Variants in USP3 observed in about 807,000 individuals in gnomAD.
The protein encoded by USP3 is ubiquitin specific peptidase 3, also known as ubiquitin carboxyl-terminal hydrolase 3.
A neutral mutation model predicts 72.3 loss-of-function variants in USP3; 20 were observed. The observed-to-expected ratio is 0.28, with a 90% CI of 0.19 to 0.40. The LOEUF (loss-of-function observed/expected upper bound fraction) is 0.40, where lower values mean the gene tolerates loss of function less well. Ranked by LOEUF, USP3 falls within the 10% of genes least tolerant of loss-of-function variation. The pLI, the probability that USP3 is intolerant of heterozygous loss-of-function variation, is 1.00. For synonymous variants in USP3, 222 were observed against 225.3 expected, an observed-to-expected ratio of 0.99 and a Z score of 0.13; for missense variants, 479 against 633.9, an observed-to-expected ratio of 0.76 and a Z score of 2.62.
At chr15:63,546,271 C>G (rs952717206) in intron 3 of USP3, among the ~76,000 whole-genome samples, 1 of 152,118 alleles carries the variant, frequency 6.6e-6, no homozygotes, top group African/African-American at 2.4e-5. Context: ...TTTTCAAATA[C>G]TATGGATTTC....
chr15:63,517,680 G>A (rs774072241), intron 1 of USP3, among the ~76,000 whole-genome samples: 13 of 152,118 alleles, frequency 8.5e-5, no homozygotes, highest in Non-Finnish European at 1.9e-4. Context: ...TGGGCACCTG[G>A]CCACTGATGT....
intron 8 of USP3, among the ~76,000 whole-genome samples, chr15:63,569,187 A>T (rs1446823638): frequency 6.6e-6 from 1 of 152,194 alleles, no homozygotes; most frequent in East Asian, 1.9e-4. Flanking sequence ...AAAATAATGG[A>T]TATTGTATTA....
Position 63,593,583 on chromosome 15 carries a change from C to G in USP3, c.*2757C>G, listed in dbSNP as rs182591365. Reference sequence around the variant, plus strand: ...GGCTTAAGAGATGAACACGTCTTCTCTCTGAATTTGTTTTTATTGGTTGGT... The same window carrying G: ...GGCTTAAGAGATGAACACGTCTTCTGTCTGAATTTGTTTTTATTGGTTGGT... On this transcript the variant is annotated 3_prime_UTR_variant, in exon 15 of 15. Coordinates refer to ENST00000380324, the MANE Select transcript of USP3 (RefSeq NM_006537.4). 10 of 152,344 alleles carry G rather than the reference C, an allele frequency of 6.6e-5. No individual in the cohort carries two copies. In the East Asian group the frequency reaches 1.9e-3, roughly 29 times the overall value. 9.4% of individuals were successfully genotyped at this position (152,344 alleles called of 1,614,324 possible).
At chr15:63,567,094 A>C (rs183978505) in intron 8 of USP3, among the ~76,000 whole-genome samples, 10 of 152,330 alleles carry the variant, frequency 6.6e-5, no homozygotes, top group Middle Eastern at 3.4e-3. Context: ...ATGTGGTGGG[A>C]ACACATGAGT....
intron 11 of USP3, among the ~76,000 whole-genome samples, chr15:63,584,271 G>C (rs2067016884): frequency 6.6e-6 from 1 of 151,624 alleles, no homozygotes; most frequent in African/African-American, 2.4e-5. Flanking sequence ...CTAATTTTTT[G>C]TATTTTTAGT....
intron 3 of USP3, among the ~76,000 whole-genome samples, chr15:63,549,493 T>C (rs1227328145): frequency 6.6e-6 from 1 of 152,198 alleles, no homozygotes; most frequent in East Asian, 1.9e-4. Context: ...ATCATATAAA[T>C]CGAAAATCAA....
chr15:63,551,268 C>G (rs186232761), intron 3 of USP3: 21 of 152,108 alleles, frequency 1.4e-4, no homozygotes, highest in African/African-American at 1.9e-4. Context: ...ATCGCAATTG[C>G]CATTCTTTGT....
At chr15:63,551,907 T>G (rs2066442455) in intron 3 of USP3, 1 of 152,152 alleles carries the variant, frequency 6.6e-6, no homozygotes, top group African/African-American at 2.4e-5. Flanking sequence ...CGTAAATGAG[T>G]CTGTACTTTA....
At chr15:63,561,568 C>A (rs969966132) in intron 7 of USP3, among the ~76,000 whole-genome samples, 1 of 152,206 alleles carries the variant, frequency 6.6e-6, no homozygotes, top group Non-Finnish European at 1.5e-5. Flanking sequence ...TTTGCCCCCC[C>A]TGCTACCAGA....
chr15:63,562,468 A>C (rs1307621514), intron 7 of USP3, among the ~76,000 whole-genome samples: 1 of 152,168 alleles, frequency 6.6e-6, no homozygotes, highest in Non-Finnish European at 1.5e-5. Context: ...TGAGTGGTGA[A>C]GGTTAGTGAC....
intron 9 of USP3, among the ~76,000 whole-genome samples, chr15:63,573,285 A>T (rs1449877235): frequency 6.6e-6 from 1 of 152,168 alleles, no homozygotes; most frequent in African/African-American, 2.4e-5. Flanking sequence ...CAACTCTCTC[A>T]TCTACACACT....
Position 63,570,370 on chromosome 15 carries a change from TG to T in USP3, c.762-61del. ...CCTTTTCCACGCCTTGGCCTCTTGC[TG>T]GTGTGGCTGGGCACAAAGAGCCCTC... On this transcript the variant is annotated intron_variant, in intron 8 of 14. Coordinates refer to ENST00000380324, the MANE Select transcript of USP3 (RefSeq NM_006537.4). This position sits in a 1 kb window ranked among gnomAD's most constrained non-coding sequence, Gnocchi z 4.4. 1.2e-6 allele frequency: 2 copies of T among 1,607,756 alleles called. No individual in the cohort carries two copies. The highest frequency in any genetic ancestry group is 8.5e-7 in the Non-Finnish European group (1 of 1,177,912).
chr15:63,509,527 A>G (rs144486871), intron 1 of USP3, among the ~76,000 whole-genome samples: 11 of 152,322 alleles, frequency 7.2e-5, no homozygotes, highest in African/African-American at 2.6e-4. Flanking sequence ...GGGCAGGTGG[A>G]CAATTTAGTT....
intron 1 of USP3, among the ~76,000 whole-genome samples, chr15:63,514,921 A>C (rs1450343478): frequency 6.6e-6 from 1 of 152,206 alleles, no homozygotes; most frequent in East Asian, 1.9e-4. Context: ...GTATTAAATA[A>C]ATGAAGATAT....
Position 63,553,374 on chromosome 15 carries a change from C to T in USP3, c.285-341C>T, listed in dbSNP as rs139032744. ...ACTTAAAGCTTTAGGCTTAATGCTA[C>T]ATGAAAAGACTCGGTGCTTTTTATT... On this transcript the variant is annotated intron_variant, in intron 3 of 14. Coordinates refer to ENST00000380324, the MANE Select transcript of USP3 (RefSeq NM_006537.4). This position sits in a 1 kb window ranked among gnomAD's most constrained non-coding sequence, Gnocchi z 4.2. The T allele has an allele frequency of 6.1e-6, 1 of 164,412 alleles. No individual in the cohort carries two copies. Among genetic ancestry groups the T allele is most frequent in the Non-Finnish European group, 1.3e-5 (1 of 76,318 alleles). 10.2% of individuals were successfully genotyped at this position (164,412 alleles called of 1,614,324 possible).
intron 8 of USP3, among the ~76,000 whole-genome samples, chr15:63,566,317 A>G (rs771304882): frequency 7.0e-6 from 1 of 142,506 alleles, no homozygotes. Context: ...TTTTTTTTTT[A>G]ATTTTATTTT....
chr15:63,557,954 A>G (rs2066540602), intron 5 of USP3, 152 bp from the exon 6 acceptor site: 3 of 671,602 alleles, frequency 4.5e-6, no homozygotes, highest in Non-Finnish European at 7.9e-6. Context: ...TACAGAGACT[A>G]GAGAGTTTGT....
At chr15:63,512,322 C>A (rs1454060001) in intron 1 of USP3, among the ~76,000 whole-genome samples, 2 of 120,882 alleles carry the variant, frequency 1.7e-5, no homozygotes, top group African/African-American at 3.4e-5. Flanking sequence ...TCTTCTTCCT[C>A]TTCTTCCTCT....
chr15:63,511,833 C>A (rs1258613162), intron 1 of USP3, among the ~76,000 whole-genome samples: 1 of 151,452 alleles, frequency 6.6e-6, no homozygotes, highest in African/African-American at 2.4e-5. Flanking sequence ...TATTTGAAAT[C>A]TTTGCTTTTA....
Sources: gnomAD v4.1 joint callset for allele counts (sites outside exome capture counted in the v4.1 genomes callset) on GRCh38, gnomAD v4.1.1 for gene constraint, Gnocchi (gnomAD v3.1) non-coding constraint, MANE v1.5 for transcripts, NCBI Gene and HGNC (gene_info 2026-07-23, HGNC 2026-07-21) for gene names.